The following SGCZ variants were observed in gnomAD, a reference collection of about 807,000 sequenced individuals.
SGCZ encodes zeta-sarcoglycan.
A neutral mutation model predicts 41.3 loss-of-function variants in SGCZ; 40 were observed. The observed-to-expected ratio is 0.97, with a 90% CI of 0.75 to 1.26. The LOEUF is 1.26. Ranked by LOEUF, SGCZ falls within the 50% of genes most tolerant of loss-of-function variation. SGCZ has a pLI of 0.00. For synonymous variants in SGCZ, 206 were observed against 137.5 expected (o/e 1.50, Z -3.49); for missense variants, 552 against 369.8 (o/e 1.49, Z -4.04).
At chr8:14,373,423 A>C (rs1803984300) in intron 2 of SGCZ, among the ~76,000 whole-genome samples, 1 of 152,152 alleles carries the variant, frequency 6.6e-6, no homozygotes, top group East Asian at 1.9e-4. Flanking sequence ...GTGACTACTC[A>C]CCATAAATGG....
intron 1 of SGCZ, among the ~76,000 whole-genome samples, chr8:14,941,358 A>T (rs1331186854): frequency 6.6e-6 from 1 of 152,160 alleles, no homozygotes; most frequent in Non-Finnish European, 1.5e-5. Flanking sequence ...GTCAATGTTT[A>T]CCACAAGGAA....
intron 3 of SGCZ, among the ~76,000 whole-genome samples, chr8:14,300,347 G>T (rs1801146853): frequency 6.6e-6 from 1 of 151,596 alleles, no homozygotes; most frequent in Non-Finnish European, 1.5e-5. Flanking sequence ...GAGGAAGAAA[G>T]CGGGGAGAAA....
intron 1 of SGCZ, among the ~76,000 whole-genome samples, chr8:14,702,396 A>C (rs1236692983): frequency 6.6e-6 from 1 of 151,932 alleles, no homozygotes; most frequent in East Asian, 1.9e-4. Context: ...CAGCCCTTCT[A>C]AGTAATCCTC....
intron 2 of SGCZ, among the ~76,000 whole-genome samples, chr8:14,481,346 T>C (rs985358677): frequency 6.6e-6 from 1 of 152,124 alleles, no homozygotes; most frequent in Non-Finnish European, 1.5e-5. Context: ...TTATAAGTAA[T>C]GAGATGGGGA....
intron 3 of SGCZ, among the ~76,000 whole-genome samples, chr8:14,276,800 C>T (rs911799399): frequency 2.6e-5 from 4 of 152,132 alleles, no homozygotes; most frequent in Admixed American, 1.3e-4. Context: ...AAACAGAAGG[C>T]CAATTCCCAC....
intron 1 of SGCZ, among the ~76,000 whole-genome samples, chr8:14,788,859 C>G (rs1800855336): frequency 6.6e-6 from 1 of 152,078 alleles, no homozygotes; most frequent in Admixed American, 6.6e-5. Flanking sequence ...ACCTGTAACC[C>G]CAGTGCTTTG....
intron 2 of SGCZ, among the ~76,000 whole-genome samples, chr8:14,347,408 T>C (rs1472640920): frequency 2.0e-5 from 3 of 152,128 alleles, no homozygotes; most frequent in African/African-American, 7.2e-5. Flanking sequence ...GTTCTCCATA[T>C]GTGATTAATT....
intron 2 of SGCZ, among the ~76,000 whole-genome samples, chr8:14,485,147 C>A (rs981655922): frequency 6.6e-6 from 1 of 152,170 alleles, no homozygotes; most frequent in African/African-American, 2.4e-5. Context: ...GTTTCAGAAT[C>A]TTGCCTTGAG....
chr8:14,667,336 C>T (rs560999302), intron 1 of SGCZ, among the ~76,000 whole-genome samples: 2 of 152,126 alleles, frequency 1.3e-5, no homozygotes, highest in African/African-American at 2.4e-5. Context: ...TGAACTCATA[C>T]AGGGTTTTTC....
intron 1 of SGCZ, among the ~76,000 whole-genome samples, chr8:15,084,894 A>G (rs1461993057): frequency 6.6e-6 from 1 of 152,208 alleles, no homozygotes; most frequent in East Asian, 1.9e-4. Context: ...TTGAAGACTG[A>G]CTTTATCTTA....
intron 1 of SGCZ, among the ~76,000 whole-genome samples, chr8:14,567,929 A>T (rs72496289): frequency 0.1 from 15,933 of 151,806 alleles, 1,101 homozygotes; most frequent in East Asian, 0.3. Flanking sequence ...GAAGGAAAAA[A>T]CTCTGGACAT....
intron 2 of SGCZ, among the ~76,000 whole-genome samples, chr8:14,484,949 C>T (rs1010711098): frequency 2.0e-5 from 3 of 152,140 alleles, no homozygotes; most frequent in Non-Finnish European, 4.4e-5. Flanking sequence ...GTAATAGCAA[C>T]AGTTTGACAT....
At chr8:14,908,578 C>T (rs1799186742) in intron 1 of SGCZ, among the ~76,000 whole-genome samples, 1 of 151,862 alleles carries the variant, frequency 6.6e-6, no homozygotes, top group African/African-American at 2.4e-5. Context: ...GGTGAAACCC[C>T]ATTTCTACTA....
chr8:14,292,867 T>C (rs977197997), intron 3 of SGCZ, among the ~76,000 whole-genome samples: 1 of 151,996 alleles, frequency 6.6e-6, no homozygotes, highest in African/African-American at 2.4e-5. Context: ...TCTATATATA[T>C]AATTTTAGTA....
intron 1 of SGCZ, among the ~76,000 whole-genome samples, chr8:14,727,231 C>T (rs2130216953): frequency 6.6e-6 from 1 of 152,226 alleles, no homozygotes; most frequent in Admixed American, 6.5e-5. Flanking sequence ...GAATGCTCAA[C>T]ATCTTTACTC....
intron 1 of SGCZ, among the ~76,000 whole-genome samples, chr8:15,099,711 T>G (rs1326257335): frequency 6.6e-6 from 1 of 152,226 alleles, no homozygotes; most frequent in East Asian, 1.9e-4. Flanking sequence ...CAGTAAAATA[T>G]TAGCAAATTG....
Position 14,678,086 on chromosome 8 carries a change from A to G in SGCZ, c.40-123160T>C, listed in dbSNP as rs533101760. ...TTAAATGGAAAACACAGAACTGTAA[A>G]ATTTCAAGTAACATAGGAGAAAATC... On this transcript the variant is annotated intron_variant, in intron 1 of 7. Coordinates refer to ENST00000382080, the MANE Select transcript of SGCZ (RefSeq NM_139167.4). Among the ~76,000 whole-genome samples, 27 of 152,336 alleles carry G rather than the reference A, an allele frequency of 1.8e-4. No individual in the cohort carries two copies. The South Asian group carries it at 5.6e-3, about 32-fold the overall frequency.
chr8:14,691,791 A>AT (rs144003152), intron 1 of SGCZ, among the ~76,000 whole-genome samples: 3,825 of 151,894 alleles, frequency 0.025, 175 homozygotes, highest in African/African-American at 0.087. Context: ...CTGCAATAAA[A>AT]TTTTTTTTGC....
In SGCZ at chr8:15,133,101, C is replaced by T. The variant is rs192026265; in HGVS notation, c.39+104484G>A. Among the ~76,000 whole-genome samples the T allele has an allele frequency of 2.9e-3, 437 of 152,150 alleles. 3 individuals are homozygous for T. Among genetic ancestry groups the T allele is most frequent in the Non-Finnish European group, 3.3e-3 (222 of 67,986 alleles). On this transcript the variant is annotated intron_variant, in intron 1 of 7. Coordinates refer to ENST00000382080, the MANE Select transcript of SGCZ (RefSeq NM_139167.4). ...GAGGTTGCAGTGAGTCAAGATCATACCACTGCACTCCAGCCTCAGAGACAG... is the reference window on the plus strand; with the variant it reads ...GAGGTTGCAGTGAGTCAAGATCATATCACTGCACTCCAGCCTCAGAGACAG...
Sources: allele counts gnomAD v4.1 joint callset (sites outside exome capture counted in the v4.1 genomes callset), GRCh38; gene constraint gnomAD v4.1.1; transcripts MANE v1.5; gene names NCBI Gene and HGNC (gene_info 2026-07-23, HGNC 2026-07-21).